The following UGT8 variants were observed in gnomAD, a reference collection of about 807,000 sequenced individuals.
UGT8 encodes UDP glycosyltransferase 8, also known as 2-hydroxyacylsphingosine 1-beta-galactosyltransferase.
Under a neutral mutation model 40.5 loss-of-function variants are expected in UGT8, and 12 were observed. The observed-to-expected ratio is 0.30, with a 90% CI of 0.19 to 0.48. The LOEUF (loss-of-function observed/expected upper bound fraction) is 0.48. Among genes scored for constraint, UGT8 ranks in the 20% least tolerant of loss-of-function variants. The pLI, the probability that UGT8 is intolerant of heterozygous loss-of-function variation, is 0.99. For missense variants in UGT8, 513 were observed against 648.7 expected, an observed-to-expected ratio of 0.79 and a Z score of 2.27; for synonymous variants, 224 against 240.4, an observed-to-expected ratio of 0.93 and a Z score of 0.63.
intron 2 of UGT8, among the ~76,000 whole-genome samples, chr4:114,633,490 G>A (rs1310732591): frequency 1.3e-5 from 2 of 152,164 alleles, no homozygotes; most frequent in Non-Finnish European, 2.9e-5. Flanking sequence ...GATCAGTGGG[G>A]GCTGAGAAGC....
intron 2 of UGT8, among the ~76,000 whole-genome samples, chr4:114,630,014 T>G (rs1455280776): frequency 6.6e-6 from 1 of 152,200 alleles, no homozygotes; most frequent in Non-Finnish European, 1.5e-5. Context: ...ACACCAGTTT[T>G]GGGGGATGAT....
intron 1 of UGT8, among the ~76,000 whole-genome samples, chr4:114,601,165 T>C (rs1730420694): frequency 6.6e-6 from 1 of 152,210 alleles, no homozygotes; most frequent in Admixed American, 6.5e-5. Context: ...TTAGAATAAA[T>C]AAACCAATGC....
chr4:114,663,955 T>A (rs368605660), intron 2 of UGT8, 40 bp from the exon 3 acceptor site: 1 of 1,610,400 alleles, frequency 6.2e-7, no homozygotes, highest in South Asian at 1.1e-5. Context: ...ATAAACTACA[T>A]TGGTCTTCGT....
intron 1 of UGT8, among the ~76,000 whole-genome samples, chr4:114,610,879 A>G (rs1052680485): frequency 6.6e-6 from 1 of 152,180 alleles, no homozygotes; most frequent in African/African-American, 2.4e-5. Context: ...CATTTAAACT[A>G]GTGATAGTAA....
intron 2 of UGT8, among the ~76,000 whole-genome samples, chr4:114,644,856 T>A (rs142749881): frequency 6.6e-6 from 1 of 152,308 alleles, no homozygotes; most frequent in African/African-American, 2.4e-5. Context: ...AGTGGCCCAC[T>A]TGCCTCTTAA....
At chr4:114,627,850 T>C (rs1007901351) in intron 2 of UGT8, among the ~76,000 whole-genome samples, 1 of 152,218 alleles carries the variant, frequency 6.6e-6, no homozygotes, top group Non-Finnish European at 1.5e-5. Flanking sequence ...GCTGTTGTTG[T>C]ACTGTTTTTG....
intron 2 of UGT8, among the ~76,000 whole-genome samples, chr4:114,663,023 C>T (rs1455236009): frequency 2.6e-5 from 4 of 151,404 alleles, no homozygotes; most frequent in Admixed American, 2.6e-4. Flanking sequence ...CGGGGTTTCA[C>T]CATGTTAGCC....
chr4:114,611,455 CACAG>C (rs1303246580), intron 1 of UGT8, among the ~76,000 whole-genome samples: 2 of 129,920 alleles, frequency 1.5e-5, no homozygotes, highest in African/African-American at 5.9e-5. Flanking sequence ...TACACACACA[CACAG>C]AGATATTAGA....
chr4:114,641,584 A>G (rs1176105445), intron 2 of UGT8, among the ~76,000 whole-genome samples: 1 of 152,188 alleles, frequency 6.6e-6, no homozygotes, highest in Non-Finnish European at 1.5e-5. Flanking sequence ...TTATCTGGCC[A>G]GGGTTACAGT....
chr4:114,654,674 C>T (rs764207707), intron 2 of UGT8, among the ~76,000 whole-genome samples: 2 of 152,006 alleles, frequency 1.3e-5, no homozygotes, highest in African/African-American at 4.8e-5. Context: ...ACTGATATGG[C>T]ATAGTGTTTG....
chr4:114,618,340 A>G (rs922847146), intron 1 of UGT8, among the ~76,000 whole-genome samples: 2 of 152,154 alleles, frequency 1.3e-5, no homozygotes, highest in Non-Finnish European at 2.9e-5. Context: ...ATTTTCACCA[A>G]CTTCTTAAGA....
rs566750501 is a variant in UGT8 at position 114,638,133 on chromosome 4, C to T, written c.822+14431C>T. Among the ~76,000 whole-genome samples, 95 of 152,032 alleles carry T rather than the reference C, an allele frequency of 6.2e-4. 1 individual carries two copies. The highest frequency in any genetic ancestry group is 2.1e-3 in the African/African-American group (87 of 41,472). On this transcript the variant is annotated intron_variant, in intron 2 of 5. Coordinates refer to ENST00000310836, the MANE Select transcript of UGT8 (RefSeq NM_001128174.3). ...TACCCTTTTATCATTATGATCAGAC[C>T]GGAAAATGACACTTAAAAATAGTAA...
At chr4:114,602,213 T>G (rs902993811) in intron 1 of UGT8, among the ~76,000 whole-genome samples, 1 of 152,236 alleles carries the variant, frequency 6.6e-6, no homozygotes, top group African/African-American at 2.4e-5. Context: ...GTTTACTTTC[T>G]TATGATAGGC....
chr4:114,649,470 G>T (rs187593620), intron 2 of UGT8, among the ~76,000 whole-genome samples: 1 of 152,294 alleles, frequency 6.6e-6, no homozygotes, highest in African/African-American at 2.4e-5. Context: ...CATAAAGGAA[G>T]TTCTGAGATA....
intron 2 of UGT8, among the ~76,000 whole-genome samples, chr4:114,640,199 T>A (rs1733135423): frequency 6.6e-6 from 1 of 151,790 alleles, no homozygotes; most frequent in African/African-American, 2.4e-5. Context: ...CCTGGCTAAT[T>A]TTTTGTATTT....
At chr4:114,670,980 C>T (rs1462591300) in intron 5 of UGT8, among the ~76,000 whole-genome samples, 1 of 152,124 alleles carries the variant, frequency 6.6e-6, no homozygotes, top group East Asian at 1.9e-4. Flanking sequence ...TACAAAATCA[C>T]TGTGCAAAAA....
intron 2 of UGT8, among the ~76,000 whole-genome samples, chr4:114,633,147 A>T (rs924161677): frequency 1.3e-5 from 2 of 152,256 alleles, no homozygotes; most frequent in Non-Finnish European, 2.9e-5. Flanking sequence ...CCATTTAGTT[A>T]TACATTGAGT....
Position 114,653,477 on chromosome 4 carries a change from C to T in UGT8, c.823-10518C>T, listed in dbSNP as rs545467898. ...GCCAAGTCCTGCACTTACTGTCTTT[C>T]TCTATATAGATGTATAATCTAGAAA... On this transcript the variant is annotated intron_variant, in intron 2 of 5. Transcript: ENST00000310836. Among the ~76,000 whole-genome samples the T allele has an allele frequency of 2.0e-5, 3 of 152,134 alleles. No individual in the cohort carries two copies. The South Asian group carries it at 6.2e-4, about 31-fold the overall frequency.
intron 5 of UGT8, among the ~76,000 whole-genome samples, chr4:114,673,771 T>G (rs1170496019): frequency 6.6e-6 from 1 of 152,236 alleles, no homozygotes; most frequent in Non-Finnish European, 1.5e-5. Flanking sequence ...AAGATACTCC[T>G]TTGCCCCATA....
Sources: allele counts gnomAD v4.1 joint callset (sites outside exome capture counted in the v4.1 genomes callset), GRCh38; gene constraint gnomAD v4.1.1; transcripts MANE v1.5; gene names NCBI Gene and HGNC (gene_info 2026-07-23, HGNC 2026-07-21).